The following SUSD6 variants were observed in gnomAD, a reference collection of about 807,000 sequenced individuals.
The protein encoded by SUSD6 is sushi domain-containing protein 6.
Under a neutral mutation model 28.4 loss-of-function variants are expected in SUSD6, and 16 were observed. That is an observed-to-expected ratio of 0.56 (90% confidence interval 0.38 to 0.86). The LOEUF (loss-of-function observed/expected upper bound fraction) is 0.86, where lower values mean the gene tolerates loss of function less well. SUSD6 is among the 40% of genes least tolerant of loss of function. The pLI, the probability that SUSD6 is intolerant of heterozygous loss-of-function variation, is 0.00. For synonymous variants in SUSD6, 147 were observed against 159.6 expected (o/e 0.92, Z 0.59); for missense variants, 341 against 384.2 (o/e 0.89, Z 0.94).
chr14:69,684,642 G>A (rs1886045555), intron 2 of SUSD6, among the ~76,000 whole-genome samples: 2 of 152,256 alleles, frequency 1.3e-5, no homozygotes, highest in Non-Finnish European at 1.5e-5. Context: ...GGCACAGACC[G>A]TGGTGTGGCC....
At chr14:69,706,072 C>G (rs563367166) in intron 4 of SUSD6, among the ~76,000 whole-genome samples, 1 of 152,332 alleles carries the variant, frequency 6.6e-6, no homozygotes, top group East Asian at 1.9e-4. Flanking sequence ...AAGGACCAGG[C>G]TAGATTTAAT....
At chr14:69,646,451 A>C (rs1241799117) in intron 1 of SUSD6, among the ~76,000 whole-genome samples, 1 of 151,820 alleles carries the variant, frequency 6.6e-6, no homozygotes, top group Non-Finnish European at 1.5e-5. Context: ...GGGCTACATC[A>C]CTCCAGGGCT....
chr14:69,650,921 C>T (rs922844169), intron 1 of SUSD6, among the ~76,000 whole-genome samples: 2 of 152,164 alleles, frequency 1.3e-5, no homozygotes, highest in African/African-American at 2.4e-5. Context: ...GGTAGGGATC[C>T]GTCTTGGGAA....
chr14:69,689,412 A>T (rs1471171276), intron 2 of SUSD6, among the ~76,000 whole-genome samples: 2 of 152,212 alleles, frequency 1.3e-5, no homozygotes, highest in Non-Finnish European at 2.9e-5. Context: ...ATGAATGGGT[A>T]AATATAATCC....
intron 4 of SUSD6, among the ~76,000 whole-genome samples, chr14:69,707,380 A>G (rs1886401062): frequency 6.6e-6 from 1 of 152,256 alleles, no homozygotes; most frequent in African/African-American, 2.4e-5. Context: ...AATAAGCCTC[A>G]CACGTATGAT....
chr14:69,704,794 T>TGGG (rs34781762), intron 4 of SUSD6, 52 bp downstream of exon 4: 1 of 1,588,278 alleles, frequency 6.3e-7, no homozygotes, highest in Non-Finnish European at 8.6e-7. Flanking sequence ...AGCATTACTG[T>TGGG]GGGGGCCAGT....
At chr14:69,669,776 A>G (rs928779193) in intron 2 of SUSD6, among the ~76,000 whole-genome samples, 2 of 151,940 alleles carry the variant, frequency 1.3e-5, no homozygotes, top group Non-Finnish European at 2.9e-5. Flanking sequence ...ACTAGAATTA[A>G]TAGGGTCTGA....
intron 2 of SUSD6, among the ~76,000 whole-genome samples, chr14:69,677,882 T>C (rs368630833): frequency 2.0e-5 from 3 of 152,320 alleles, no homozygotes; most frequent in African/African-American, 7.2e-5. Context: ...TTAACACTTA[T>C]AAACATGTAA....
intron 2 of SUSD6, chr14:69,670,460 T>C (rs1885813798): frequency 2.2e-6 from 1 of 456,718 alleles, no homozygotes; most frequent in African/African-American, 2.0e-5. Context: ...CTTGAATTGG[T>C]CATGGAAGGC....
At chr14:69,707,926 G>A (rs570929852) in intron 4 of SUSD6, among the ~76,000 whole-genome samples, 12 of 152,302 alleles carry the variant, frequency 7.9e-5, no homozygotes, top group African/African-American at 2.6e-4. Flanking sequence ...TGGGACAGGT[G>A]CAAAGGGTCT....
intron 2 of SUSD6, among the ~76,000 whole-genome samples, chr14:69,696,240 A>G (rs1646370482): frequency 1.3e-5 from 2 of 152,266 alleles, no homozygotes; most frequent in Admixed American, 1.3e-4. Context: ...CTTGAGGCAG[A>G]TCACTCAACT....
chr14:69,658,485 A>T (rs1295433248), intron 1 of SUSD6, 28 bp from the exon 2 acceptor site: 4 of 1,199,742 alleles, frequency 3.3e-6, no homozygotes, highest in Non-Finnish European at 3.5e-6. Context: ...TGAAGTTTTC[A>T]CTTTATGTCC....
chr14:69,633,624 T>C (rs565618827), intron 1 of SUSD6, among the ~76,000 whole-genome samples: 17 of 152,376 alleles, frequency 1.1e-4, no homozygotes, highest in African/African-American at 3.4e-4. Flanking sequence ...CACAAATAGC[T>C]GCAGCTTATT....
intron 2 of SUSD6, among the ~76,000 whole-genome samples, chr14:69,676,064 G>A (rs2210803): frequency 0.91 from 139,091 of 152,274 alleles, 63,727 homozygotes; most frequent in African/African-American, 0.98. Flanking sequence ...GGGTCTCACA[G>A]TCTAATGGGG....
intron 1 of SUSD6, among the ~76,000 whole-genome samples, chr14:69,612,421 A>G (rs3784142): frequency 6.6e-6 from 1 of 152,064 alleles, no homozygotes; most frequent in Non-Finnish European, 1.5e-5. Context: ...GAAACCAGCT[A>G]TTTTCTTTCA....
chr14:69,635,595 CCACACACACACACACACACACACACA>C (rs3048696), intron 1 of SUSD6, among the ~76,000 whole-genome samples: 231 of 143,584 alleles, frequency 1.6e-3, no homozygotes, highest in African/African-American at 5.7e-3. Flanking sequence ...CCAAGGCACA[CCACACACACACACACACACACACACA>C]CACACACACA....
chr14:69,694,057 C>G (rs915202118), intron 2 of SUSD6, among the ~76,000 whole-genome samples: 13 of 151,036 alleles, frequency 8.6e-5, no homozygotes, highest in Non-Finnish European at 1.5e-4. Flanking sequence ...TACTAAGCAT[C>G]TACTATCTCC....
chr14:69,616,771 C>T (rs975206601), intron 1 of SUSD6, among the ~76,000 whole-genome samples: 2 of 151,926 alleles, frequency 1.3e-5, no homozygotes, highest in African/African-American at 2.4e-5. Context: ...ATGGTAGTAC[C>T]TGTACATTCA....
intron 2 of SUSD6, among the ~76,000 whole-genome samples, chr14:69,672,615 C>T (rs973231241): frequency 4.6e-5 from 7 of 152,334 alleles, no homozygotes; most frequent in South Asian, 2.1e-4. Context: ...TGGGAACACA[C>T]TCTCCCCTCT....
Sources: gnomAD v4.1 joint callset for allele counts (sites outside exome capture counted in the v4.1 genomes callset) on GRCh38, gnomAD v4.1.1 for gene constraint, MANE v1.5 for transcripts, NCBI Gene and HGNC (gene_info 2026-07-23, HGNC 2026-07-21) for gene names.